The following MCMBP variants were observed in gnomAD, a reference collection of about 807,000 sequenced individuals.
MCMBP encodes mini-chromosome maintenance complex-binding protein.
Under a neutral mutation model 81.3 loss-of-function variants are expected in MCMBP, and 31 were observed. The observed-to-expected ratio is 0.38, with a 90% CI of 0.29 to 0.51. The LOEUF (loss-of-function observed/expected upper bound fraction) is 0.51. Ranked by LOEUF, MCMBP falls within the 20% of genes least tolerant of loss-of-function variation. MCMBP has a pLI of 0.87. For synonymous variants in MCMBP, 267 were observed against 275.9 expected, an observed-to-expected ratio of 0.97 and a Z score of 0.32; for missense variants, 645 against 772.1, an observed-to-expected ratio of 0.84 and a Z score of 1.95.
chr10:119,853,170 G>A lies in MCMBP; in HGVS notation c.454C>T (p.Arg152Ter). 6.2e-7 allele frequency: 1 copy of A among 1,613,928 alleles called. No individual in the cohort carries two copies. The highest frequency in any genetic ancestry group is 8.5e-7 in the Non-Finnish European group (1 of 1,179,876). ...KEAYVNANQARVSPSTSYTPS... is the reference protein window; with the variant it reads ...KEAYVNANQA ...GTGTAGGATGTTGAGGGACTGACTCGAGCTTGGTTTGCATTAACATAGGCG... is the reference window on the plus strand; with the variant it reads ...GTGTAGGATGTTGAGGGACTGACTCAAGCTTGGTTTGCATTAACATAGGCG... Residue 152 changes from arginine to a stop codon, truncating the protein, a stop_gained, in exon 6 of 16, where the codon CGA becomes TGA. Coordinates refer to ENST00000369077, the MANE Select transcript of MCMBP (RefSeq NM_001256378.2). LOFTEE classifies it high-confidence loss of function.
At position 119,838,588 on chromosome 10, in the gene MCMBP, G is replaced by T. The variant is rs1564872038; in HGVS notation, c.1355C>A (p.Thr452Asn). The T allele has an allele frequency of 6.2e-7, 1 of 1,614,168 alleles. No individual in the cohort carries two copies. Reference sequence around the variant, plus strand: ...GAGAGTCTCATCGATTACAAGGGAAGTATTGCTGGGCAGCTGGAGGAGCCC... The same window carrying T: ...GAGAGTCTCATCGATTACAAGGGAATTATTGCTGGGCAGCTGGAGGAGCCC... ...VSGLLQLPSN[T>N]SLVIDETLLE... The change falls in exon 12 of 16, where the codon ACT becomes AAT. Residue 452 changes from threonine (T) to asparagine (N), a missense_variant. Thr to Asn is a moderately conservative substitution (Grantham distance 65). Coordinates refer to ENST00000369077, the MANE Select transcript of MCMBP (RefSeq NM_001256378.2).
chr10:119,856,427 T>G (rs1017022253), intron 5 of MCMBP, among the ~76,000 whole-genome samples: 3 of 152,224 alleles, frequency 2.0e-5, no homozygotes, highest in Non-Finnish European at 2.9e-5. Context: ...TGCATGATGT[T>G]AAACACAAGA....
intron 8 of MCMBP, among the ~76,000 whole-genome samples, chr10:119,847,056 T>C (rs1163044804): frequency 3.3e-5 from 5 of 151,974 alleles, no homozygotes; most frequent in Non-Finnish European, 2.9e-5. Context: ...AATGTGCAAA[T>C]GATAAGATTG....
intron 1 of MCMBP, among the ~76,000 whole-genome samples, chr10:119,860,824 T>C (rs570115950): frequency 6.6e-6 from 1 of 152,356 alleles, no homozygotes; most frequent in East Asian, 1.9e-4. Flanking sequence ...TTAAACAATG[T>C]TGTCAAACTA....
In MCMBP at chr10:119,829,923, T is replaced by C. The variant is rs1246049800; in HGVS notation, c.*1551A>G. The stretch of plus-strand genomic sequence containing the variant: ...GGCACAAAAAACACATGGTGACTAA[T>C]GTACTTTGCTCTAGGACAATTAAAG... On this transcript the variant is annotated 3_prime_UTR_variant, in exon 16 of 16. Coordinates refer to ENST00000369077, the MANE Select transcript of MCMBP (RefSeq NM_001256378.2). The C allele has an allele frequency of 3.3e-5, 5 of 152,602 alleles. No homozygotes were observed. Among genetic ancestry groups the C allele is most frequent in the Non-Finnish European group, 5.9e-5 (4 of 68,046 alleles). The allele number at this position is 152,602 out of a possible 1,614,324, so 9.5% of individuals were successfully genotyped here.
chr10:119,842,191 T>C (rs1041281180), intron 10 of MCMBP, among the ~76,000 whole-genome samples: 9 of 152,122 alleles, frequency 5.9e-5, no homozygotes, highest in South Asian at 2.1e-4. Context: ...CATGGAAAAA[T>C]GGTCTTCCAT....
intron 10 of MCMBP, among the ~76,000 whole-genome samples, chr10:119,841,684 AT>A (rs1852438487): frequency 6.6e-6 from 1 of 152,256 alleles, no homozygotes. Flanking sequence ...AAGTGGTGAA[AT>A]TACAGATGAT....
At chr10:119,841,641 A>G (rs1395921439) in intron 10 of MCMBP, among the ~76,000 whole-genome samples, 1 of 152,248 alleles carries the variant, frequency 6.6e-6, no homozygotes, top group African/African-American at 2.4e-5. Context: ...ACAAAAACCA[A>G]TGAACATGTA....
chr10:119,842,428 C>A (rs1313375334), intron 10 of MCMBP, 44 bp downstream of exon 10: 2 of 1,579,682 alleles, frequency 1.3e-6, no homozygotes, highest in Admixed American at 1.9e-5. Flanking sequence ...TCCACTTCCA[C>A]ACACACCAAA....
chr10:119,855,149 C>G (rs138910098), intron 5 of MCMBP, among the ~76,000 whole-genome samples: 1 of 151,658 alleles, frequency 6.6e-6, no homozygotes, highest in Non-Finnish European at 1.5e-5. Flanking sequence ...AAAAATAGCA[C>G]GAAGAATGAG....
Position 119,830,402 on chromosome 10 carries a change from G to A in MCMBP, c.*1072C>T, listed in dbSNP as rs1159679235. ...GGAGAAAACCTACCTGCAGTTGTAC[G>A]AGGCTGTTACTGGAGTAGCAGATGT... On this transcript the variant is annotated 3_prime_UTR_variant, in exon 16 of 16. Transcript: ENST00000369077. 2.6e-5 allele frequency: 4 copies of A among 152,202 alleles called. No individual in the cohort carries two copies. 9.4% of individuals were successfully genotyped at this position (152,202 alleles called of 1,614,324 possible).
At chr10:119,868,021 C>T (rs1853533537) in intron 1 of MCMBP, among the ~76,000 whole-genome samples, 1 of 152,216 alleles carries the variant, frequency 6.6e-6, no homozygotes, top group Non-Finnish European at 1.5e-5. Context: ...CCCCTCTTCA[C>T]CCAACCCTGC....
At chr10:119,850,949 T>C (rs1852803108) in intron 6 of MCMBP, among the ~76,000 whole-genome samples, 2 of 147,472 alleles carry the variant, frequency 1.4e-5, no homozygotes, top group African/African-American at 5.0e-5. Flanking sequence ...CAGCGCTCAC[T>C]GCAACCTTCG....
rs752820211 is a variant in MCMBP at position 119,831,427 on chromosome 10, A to G, written c.*47T>C. 98 of 1,604,406 alleles carry G rather than the reference A, an allele frequency of 6.1e-5. No homozygotes were observed. Among genetic ancestry groups the G allele is most frequent in the African/African-American group, 3.4e-4 (25 of 74,484 alleles). ...TATAAATGAATATCTGAATTTTACA[A>G]TTATGTGGCTACAGTTTGCCCATTA... is the stretch of plus-strand genomic sequence containing the variant. On this transcript the variant is annotated 3_prime_UTR_variant, in exon 16 of 16. Transcript: ENST00000369077.
At chr10:119,839,225 G>A (rs1408006433) in intron 11 of MCMBP, among the ~76,000 whole-genome samples, 1 of 152,176 alleles carries the variant, frequency 6.6e-6, no homozygotes, top group Non-Finnish European at 1.5e-5. Context: ...GGTGCCTCCA[G>A]GACGCGAGCA....
At chr10:119,860,211 T>C (rs1194175651) in intron 1 of MCMBP, among the ~76,000 whole-genome samples, 1 of 152,230 alleles carries the variant, frequency 6.6e-6, no homozygotes, top group Non-Finnish European at 1.5e-5. Context: ...CAGCAGCATA[T>C]GAAGCACTGC....
intron 1 of MCMBP, among the ~76,000 whole-genome samples, chr10:119,863,642 T>C (rs866810771): frequency 2.2e-5 from 3 of 139,262 alleles, no homozygotes; most frequent in South Asian, 2.2e-4. Context: ...GACAGGAGAA[T>C]TGCTTGAACC....
chr10:119,870,209 G>A (rs1198985719), intron 1 of MCMBP, among the ~76,000 whole-genome samples: 1 of 152,226 alleles, frequency 6.6e-6, no homozygotes, highest in Non-Finnish European at 1.5e-5. Flanking sequence ...AGCACTTTGA[G>A]AGGCCGAGGC....
In MCMBP at chr10:119,830,350, G is replaced by C. The variant is rs1042482685; in HGVS notation, c.*1124C>G. The C allele has an allele frequency of 6.6e-6, 1 of 152,284 alleles. No homozygotes were observed. 9.4% of individuals were successfully genotyped at this position (152,284 alleles called of 1,614,324 possible). A position where few individuals can be genotyped will look rare whatever the true frequency, so the allele number is the denominator to read the frequency against. On this transcript the variant is annotated 3_prime_UTR_variant, in exon 16 of 16. Transcript: ENST00000369077. ...ACCATGCTACTACAGTCTGTTGTTA[G>C]TTTGCTCTATTAAAACTAATTGGTC...
Sources: allele counts gnomAD v4.1 joint callset (sites outside exome capture counted in the v4.1 genomes callset), GRCh38; gene constraint gnomAD v4.1.1; transcripts MANE v1.5; gene names NCBI Gene and HGNC (gene_info 2026-07-23, HGNC 2026-07-21).